NSUN3: variants seen among roughly 807,000 people sequenced by gnomAD.
NSUN3 encodes the protein tRNA (cytosine(34)-C(5))-methyltransferase, mitochondrial.
A neutral mutation model predicts 36.8 loss-of-function variants in NSUN3; 24 were observed. The observed-to-expected ratio is 0.65, with a 90% confidence interval of 0.47 to 0.92. The LOEUF (loss-of-function observed/expected upper bound fraction) is 0.92, where lower values mean the gene tolerates loss of function less well. Among genes scored for constraint, NSUN3 ranks in the 40% least tolerant of loss-of-function variants. The pLI is 0.00. For synonymous variants in NSUN3, 146 were observed against 145.2 expected, an observed-to-expected ratio of 1.01 and a Z score of -0.04; for missense variants, 381 against 392.8, an observed-to-expected ratio of 0.97 and a Z score of 0.25.
At chr3:94,113,475 GGATAAA>G (rs1291742357) in intron 5 of NSUN3, among the ~76,000 whole-genome samples, 4 of 152,016 alleles carry the variant, frequency 2.6e-5, no homozygotes, top group Non-Finnish European at 5.9e-5. Context: ...AGGAAATGAA[GGATAAA>G]GTTCTAGGGC....
At chr3:94,071,555 A>G (rs2077224788) in intron 2 of NSUN3, among the ~76,000 whole-genome samples, 2 of 152,360 alleles carry the variant, frequency 1.3e-5, no homozygotes, top group South Asian at 4.1e-4. Context: ...GTCAATTTTT[A>G]CAGTATGCTG....
chr3:94,125,311 A>G (rs1353806267), intron 5 of NSUN3, among the ~76,000 whole-genome samples: 2 of 152,188 alleles, frequency 1.3e-5, no homozygotes, highest in African/African-American at 4.8e-5. Context: ...TAATAATGAG[A>G]CAATAAAAGT....
rs370499471 is a variant in NSUN3, at chr3:94,109,360, G to C, written c.743+14206G>C. ...GTGTCTATCTTGCTTTGAAGGGGCA[G>C]AAGTATTGCTAGCTATGTATCGGAG... On this transcript the variant is annotated intron_variant, in intron 5 of 5. Coordinates refer to ENST00000314622, the MANE Select transcript of NSUN3 (RefSeq NM_022072.5). Among the ~76,000 whole-genome samples, 41 of 152,308 alleles carry C rather than the reference G, an allele frequency of 2.7e-4. 2 individuals carry two copies. The East Asian group carries it at 6.2e-3, about 23-fold the overall frequency.
intron 2 of NSUN3, among the ~76,000 whole-genome samples, chr3:94,072,192 T>C (rs1325221897): frequency 1.3e-5 from 2 of 152,020 alleles, no homozygotes; most frequent in Non-Finnish European, 2.9e-5. Context: ...TAAGTGAGGG[T>C]TGGGGTAAAA....
At position 94,067,265 on chromosome 3, in the gene NSUN3, A is replaced by C. The variant is rs140024916; in HGVS notation, c.122+2719A>C. On this transcript the variant is annotated intron_variant, in intron 2 of 5. Coordinates refer to ENST00000314622, the MANE Select transcript of NSUN3 (RefSeq NM_022072.5). ...TTGACCTCGTTGATGATTCCGTTGG[A>C]GAGGACAGCTGGAAGCTTCATGCTT... Among the ~76,000 whole-genome samples the C allele has an allele frequency of 8.4e-4, 128 of 152,326 alleles. No individual in the cohort carries two copies. In the South Asian group the frequency reaches 8.9e-3, roughly 11 times the overall value.
At chr3:94,114,443 C>T (rs1416007108) in intron 5 of NSUN3, among the ~76,000 whole-genome samples, 2 of 152,118 alleles carry the variant, frequency 1.3e-5, no homozygotes, top group Non-Finnish European at 2.9e-5. Flanking sequence ...CTGTGAAGTG[C>T]TCTTTAACTA....
intron 5 of NSUN3, among the ~76,000 whole-genome samples, chr3:94,103,190 C>T (rs561754096): frequency 2.2e-4 from 33 of 152,130 alleles, no homozygotes; most frequent in African/African-American, 7.5e-4. Context: ...CCTGGCCTAA[C>T]ATTACCTACT....
rs1352798245 is a variant in NSUN3, at chr3:94,128,695, A to G, written c.*2205A>G. Reference sequence around the variant, plus strand: ...TTCTGCACAGCAAACTAAACTATCAACAGAGTAGCAGACAACTTACAGGAT... The same window carrying G: ...TTCTGCACAGCAAACTAAACTATCAGCAGAGTAGCAGACAACTTACAGGAT... On this transcript the variant is annotated 3_prime_UTR_variant, in exon 6 of 6. Coordinates refer to ENST00000314622, the MANE Select transcript of NSUN3 (RefSeq NM_022072.5). 6.6e-6 allele frequency: 1 copy of G among 151,954 alleles called. No individual in the cohort carries two copies. Among genetic ancestry groups the G allele is most frequent in the African/African-American group, 2.4e-5 (1 of 41,398 alleles). The allele number at this position is 151,954 out of a possible 1,614,324, so 9.4% of individuals were successfully genotyped here. A position where few individuals can be genotyped will look rare whatever the true frequency, so the allele number is the denominator to read the frequency against.
chr3:94,068,250 A>G (rs998075476), intron 2 of NSUN3, among the ~76,000 whole-genome samples: 1 of 152,204 alleles, frequency 6.6e-6, no homozygotes, highest in Non-Finnish European at 1.5e-5. Context: ...TAAGGACTTC[A>G]TATGCATTAG....
intron 5 of NSUN3, among the ~76,000 whole-genome samples, chr3:94,122,543 T>C (rs1480532804): frequency 6.6e-6 from 1 of 152,238 alleles, no homozygotes; most frequent in Non-Finnish European, 1.5e-5. Flanking sequence ...TCTCACACTG[T>C]ACTCAGTTTC....
intron 2 of NSUN3, among the ~76,000 whole-genome samples, chr3:94,070,739 T>C (rs963265157): frequency 3.3e-5 from 5 of 152,232 alleles, no homozygotes; most frequent in Non-Finnish European, 7.3e-5. Context: ...TTCTATGCTA[T>C]GTTCCTCCAG....
Position 94,068,306 on chromosome 3 carries a change from A to G in NSUN3, c.122+3760A>G, listed in dbSNP as rs536404017. ...TTAACCACTTCATCAAGCCTTCTGT[A>G]TGTCCCTTGGCAAAATTAGTTTTGC... On this transcript the variant is annotated intron_variant, in intron 2 of 5. Coordinates refer to ENST00000314622, the MANE Select transcript of NSUN3 (RefSeq NM_022072.5). Among the ~76,000 whole-genome samples, 3 of 152,298 alleles carry G rather than the reference A, an allele frequency of 2.0e-5. No individual in the cohort carries two copies. The East Asian group carries it at 5.8e-4, about 29-fold the overall frequency.
rs766944479 is a variant in NSUN3, at chr3:94,084,489, T to C, written c.466+39T>C. ...CTTTCAGTATTTGACAACTTTTTAATATCTGTATGTTATAGAGAATTCTGA... is the reference window on the plus strand; with the variant it reads ...CTTTCAGTATTTGACAACTTTTTAACATCTGTATGTTATAGAGAATTCTGA... On this transcript the variant is annotated intron_variant, in intron 3 of 5. Coordinates refer to ENST00000314622, the MANE Select transcript of NSUN3 (RefSeq NM_022072.5). 10 of 1,433,214 alleles carry C rather than the reference T, an allele frequency of 7.0e-6. No homozygotes were observed. In the Admixed American group the frequency reaches 9.6e-5, roughly 14 times the overall value. The allele number at this position is 1,433,214 out of a possible 1,614,324, so 88.8% of individuals were successfully genotyped here. A position where few individuals can be genotyped will look rare whatever the true frequency, so the allele number is the denominator to read the frequency against.
In NSUN3 at chr3:94,087,845, T is replaced by G. The variant is rs184603956; in HGVS notation, c.466+3395T>G. On this transcript the variant is annotated intron_variant, in intron 3 of 5. Transcript: ENST00000314622. ...CACCAAACCTGGCTAATTTTTGTAT[T>G]TTTTGTAGAGATGGGGTTTCACTAT... Among the ~76,000 whole-genome samples the G allele has an allele frequency of 1.1e-3, 167 of 152,230 alleles. 1 individual carries two copies. Among genetic ancestry groups the G allele is most frequent in the African/African-American group, 3.7e-3 (154 of 41,538 alleles).
At chr3:94,064,335 C>A in intron 1 of NSUN3, 102 bp from the exon 2 acceptor site, 1 of 693,632 alleles carries the variant, frequency 1.4e-6, no homozygotes, top group Non-Finnish European at 2.6e-6. Flanking sequence ...TAGTAATTAT[C>A]CAAAAAAAGT....
intron 3 of NSUN3, among the ~76,000 whole-genome samples, chr3:94,085,593 C>A (rs940112686): frequency 9.9e-5 from 15 of 152,182 alleles, no homozygotes; most frequent in African/African-American, 3.6e-4. Context: ...CCTGTCTGTA[C>A]AAAAAGATTC....
At chr3:94,121,855 A>G (rs1038985359) in intron 5 of NSUN3, among the ~76,000 whole-genome samples, 6 of 152,162 alleles carry the variant, frequency 3.9e-5, no homozygotes, top group Admixed American at 2.6e-4. Flanking sequence ...TTAAAAATAC[A>G]TATAACTGGC....
intron 2 of NSUN3, among the ~76,000 whole-genome samples, chr3:94,071,958 T>G (rs2077226071): frequency 6.6e-6 from 1 of 152,064 alleles, no homozygotes. Context: ...GTGTGTGTTG[T>G]GGGGAGGAGA....
chr3:94,071,956 T>C (rs2077226050), intron 2 of NSUN3, among the ~76,000 whole-genome samples: 1 of 152,094 alleles, frequency 6.6e-6, no homozygotes, highest in Non-Finnish European at 1.5e-5. Context: ...GTGTGTGTGT[T>C]GTGGGGAGGA....
Sources: gnomAD v4.1 joint callset for allele counts (sites outside exome capture counted in the v4.1 genomes callset) on GRCh38, gnomAD v4.1.1 for gene constraint, MANE v1.5 for transcripts, NCBI Gene and HGNC (gene_info 2026-07-23, HGNC 2026-07-21) for gene names.